The following CSMD1 variants were observed in gnomAD, a reference collection of about 807,000 sequenced individuals.
CSMD1 encodes CUB and sushi domain-containing protein 1.
In CSMD1, 213 loss-of-function variants were observed where a neutral mutation model predicts 417.5. The observed-to-expected ratio is 0.51, with a 90% confidence interval of 0.46 to 0.57. The LOEUF (loss-of-function observed/expected upper bound fraction) is 0.57. Among genes scored for constraint, CSMD1 ranks in the 20% least tolerant of loss-of-function variants. CSMD1 has a pLI of 0.00. For missense variants in CSMD1, 6,923 were observed against 4,529.7 expected (o/e 1.53, Z -15.17); for synonymous variants, 2,862 against 1,736.8 (o/e 1.65, Z -16.11).
At chr8:4,456,294 C>A (rs191357875) in intron 2 of CSMD1, among the ~76,000 whole-genome samples, 1 of 151,950 alleles carries the variant, frequency 6.6e-6, no homozygotes, top group African/African-American at 2.4e-5. Context: ...AAGCTGAAGA[C>A]AATTTGTAAT....
At chr8:4,528,401 G>C (rs934049843) in intron 2 of CSMD1, among the ~76,000 whole-genome samples, 5 of 152,124 alleles carry the variant, frequency 3.3e-5, no homozygotes, top group African/African-American at 1.2e-4. Context: ...AAGGTAAGTG[G>C]AATATGCAAA....
intron 1 of CSMD1, among the ~76,000 whole-genome samples, chr8:4,688,111 A>T (rs2116747738): frequency 6.6e-6 from 1 of 152,296 alleles, no homozygotes; most frequent in African/African-American, 2.4e-5. Context: ...TCATGTAGAA[A>T]TTGGAGGATT....
intron 46 of CSMD1, among the ~76,000 whole-genome samples, chr8:3,097,658 A>C (rs555910036): frequency 6.6e-6 from 1 of 152,300 alleles, no homozygotes; most frequent in South Asian, 2.1e-4. Flanking sequence ...GAACAGTGCA[A>C]AATTTTAAAT....
chr8:4,178,038 C>G (rs984653444), intron 3 of CSMD1, among the ~76,000 whole-genome samples: 10 of 152,114 alleles, frequency 6.6e-5, no homozygotes, highest in African/African-American at 1.7e-4. Context: ...TGAAACTATT[C>G]CAATAAATAG....
intron 39 of CSMD1, among the ~76,000 whole-genome samples, chr8:3,152,608 A>T (rs1430143252): frequency 6.6e-6 from 1 of 152,222 alleles, no homozygotes; most frequent in African/African-American, 2.4e-5. Flanking sequence ...TGCTCAAGCC[A>T]GGGCACCATA....
intron 1 of CSMD1, among the ~76,000 whole-genome samples, chr8:4,865,191 A>G (rs1230998770): frequency 6.6e-6 from 1 of 151,824 alleles, no homozygotes; most frequent in Non-Finnish European, 1.5e-5. Context: ...TTCTAATATC[A>G]TTCTCATGCA....
At chr8:4,771,066 G>T (rs888189026) in intron 1 of CSMD1, among the ~76,000 whole-genome samples, 1 of 152,134 alleles carries the variant, frequency 6.6e-6, no homozygotes, top group Non-Finnish European at 1.5e-5. Flanking sequence ...ATCAGATAAG[G>T]AGTTAATATT....
chr8:3,011,227 C>A (rs1808358946), intron 52 of CSMD1, among the ~76,000 whole-genome samples: 1 of 152,100 alleles, frequency 6.6e-6, no homozygotes, highest in Admixed American at 6.5e-5. Flanking sequence ...TATTCCCCAG[C>A]CACTGACAAT....
intron 1 of CSMD1, among the ~76,000 whole-genome samples, chr8:4,797,868 A>G (rs1269307256): frequency 6.6e-6 from 1 of 152,224 alleles, no homozygotes; most frequent in Non-Finnish European, 1.5e-5. Flanking sequence ...TTCCTCATGG[A>G]TTTTACGAAA....
At chr8:4,070,192 CTCTT>C (rs1014992959) in intron 3 of CSMD1, among the ~76,000 whole-genome samples, 1 of 151,934 alleles carries the variant, frequency 6.6e-6, no homozygotes, top group Non-Finnish European at 1.5e-5. Flanking sequence ...TTTACCAAAC[CTCTT>C]TTTTTCTGTG....
intron 2 of CSMD1, among the ~76,000 whole-genome samples, chr8:4,617,470 C>T (rs530536122): frequency 6.6e-6 from 1 of 152,116 alleles, no homozygotes; most frequent in Non-Finnish European, 1.5e-5. Flanking sequence ...TTGCCAGAAA[C>T]AGAAAGGTAA....
At chr8:4,068,094 G>T (rs539949052) in intron 3 of CSMD1, among the ~76,000 whole-genome samples, 48 of 151,804 alleles carry the variant, frequency 3.2e-4, no homozygotes, top group Non-Finnish European at 1.5e-4. Flanking sequence ...AAGAAAAAAA[G>T]AAAAAAAGGG....
chr8:3,961,844 G>C (rs543967118), intron 5 of CSMD1, among the ~76,000 whole-genome samples: 1 of 152,300 alleles, frequency 6.6e-6, no homozygotes, highest in Admixed American at 6.5e-5. Context: ...GCAGCATCAT[G>C]AGGAAGAGAT....
chr8:4,502,679 T>C (rs1802318054), intron 2 of CSMD1, among the ~76,000 whole-genome samples: 1 of 152,214 alleles, frequency 6.6e-6, no homozygotes, highest in Non-Finnish European at 1.5e-5. Flanking sequence ...TGTTGAGTTT[T>C]CTTTTCTCTT....
intron 49 of CSMD1, among the ~76,000 whole-genome samples, chr8:3,075,948 C>G (rs13281224): frequency 0.54 from 81,624 of 149,898 alleles, 22,439 homozygotes; most frequent in Non-Finnish European, 0.56. Flanking sequence ...CTCCTAGGGA[C>G]GCTGAGGCAG....
chr8:4,417,063 T>C (rs1174469892), intron 3 of CSMD1, among the ~76,000 whole-genome samples: 2 of 151,876 alleles, frequency 1.3e-5, no homozygotes, highest in African/African-American at 4.8e-5. Context: ...CTGAATTAAG[T>C]TACTACCTTC....
At chr8:3,721,393 TA>T (rs1802166400) in intron 6 of CSMD1, among the ~76,000 whole-genome samples, 1 of 152,170 alleles carries the variant, frequency 6.6e-6, no homozygotes, top group South Asian at 2.1e-4. Context: ...CCCAGGTTTT[TA>T]GGATCAGTCC....
intron 51 of CSMD1, among the ~76,000 whole-genome samples, chr8:3,024,487 A>C (rs954306554): frequency 2.6e-5 from 4 of 152,112 alleles, no homozygotes; most frequent in African/African-American, 7.2e-5. Flanking sequence ...TGTATTTTTT[A>C]GTAGAGACAG....
At chr8:4,597,241 G>T (rs1485035422) in intron 2 of CSMD1, among the ~76,000 whole-genome samples, 1 of 152,106 alleles carries the variant, frequency 6.6e-6, no homozygotes, top group Non-Finnish European at 1.5e-5. Context: ...CAATAGTGGT[G>T]ATATATTATC....
Sources: allele counts gnomAD v4.1 joint callset (sites outside exome capture counted in the v4.1 genomes callset), GRCh38; gene constraint gnomAD v4.1.1; transcripts MANE v1.5; gene names NCBI Gene and HGNC (gene_info 2026-07-23, HGNC 2026-07-21).